Variants in ZEB1 observed in about 807,000 individuals in gnomAD.
ZEB1 encodes the protein zinc finger E-box binding homeobox 1.
A neutral mutation model predicts 84.9 loss-of-function variants in ZEB1; 21 were observed. The observed-to-expected ratio is 0.25, with a 90% CI of 0.18 to 0.36. ZEB1 has a LOEUF of 0.36. Ranked by LOEUF, ZEB1 falls within the 10% of genes least tolerant of loss-of-function variation. The probability of loss-of-function intolerance (pLI) is 1.00; values close to 1 mark genes in which losing one functional copy is unlikely to be tolerated. For synonymous variants in ZEB1, 420 were observed against 471.1 expected (o/e 0.89, Z 1.41); for missense variants, 1,104 against 1,330.2 (o/e 0.83, Z 2.65).
In ZEB1 at chr10:31,520,367, C is replaced by T. The variant is rs1565200682; in HGVS notation, c.1035C>T (p.Asn345=). The T allele has an allele frequency of 6.2e-7, 1 of 1,613,732 alleles. No homozygotes were observed. Among genetic ancestry groups the T allele is most frequent in the African/African-American group, 1.3e-5 (1 of 74,872 alleles). The part of the protein sequence containing the change: ...NKPLQEQLSV[N]QIKTEPVDYE... ...CCCTTCAAGAACAACTTTCTGTTAA[C>T]CAAATTAAAACTGAACCTGTGGATT... The change falls in exon 7 of 9, where the codon AAC becomes AAT. Residue 345 remains asparagine, a synonymous_variant. Transcript: ENST00000424869. The surrounding 1 kb of genome is among the most constrained non-coding windows in gnomAD (Gnocchi z 5.1).
chr10:31,521,733 A>G lies in ZEB1; in HGVS notation c.2401A>G (p.Ile801Val), dbSNP rs1049711305. The change falls in exon 7 of 9, where the codon ATA (isoleucine) becomes GTA (valine). Residue 801 changes from isoleucine to valine, a missense_variant. By Grantham distance (29) the Ile-to-Val change is conservative. Around this residue, in one of 7 missense-constraint regions of ZEB1, gnomAD observed 531 missense variants for 575.2 expected, o/e 0.92. Transcript: ENST00000424869. ...VNVIPPSANP[I>V]NIAIPTVTAQ... ...TGTAATCCCACCAAGTGCCAACCCC[A>G]TAAATATCGCTATACCTACAGTCAC... The G allele has an allele frequency of 1.2e-6, 2 of 1,614,168 alleles. No individual in the cohort carries two copies. Among genetic ancestry groups the G allele is most frequent in the East Asian group, 2.2e-5 (1 of 44,874 alleles).
At chr10:31,335,010 CT>C (rs1205007155) in intron 1 of ZEB1, among the ~76,000 whole-genome samples, 1 of 151,852 alleles carries the variant, frequency 6.6e-6, no homozygotes, top group African/African-American at 2.4e-5. Flanking sequence ...CTGTCCCCAA[CT>C]TTTTTTTACG....
chr10:31,495,842 C>T lies in ZEB1; in HGVS notation c.322+4C>T, dbSNP rs1313951949. 3 of 1,612,694 alleles carry T rather than the reference C, an allele frequency of 1.9e-6. No homozygotes were observed. In the Admixed American group the frequency reaches 5.0e-5, roughly 27 times the overall value. On this transcript the variant is annotated splice_donor_region_variant and intron_variant, in intron 3 of 8. Coordinates refer to ENST00000424869, the MANE Select transcript of ZEB1 (RefSeq NM_001174096.2). ...GCAGATGAAGCAGGATGTACAGGTA[C>T]TCTGCTGCGACTTTCTTTCATACCA...
At chr10:31,443,229 T>C (rs905712447) in intron 1 of ZEB1, among the ~76,000 whole-genome samples, 32 of 152,160 alleles carry the variant, frequency 2.1e-4, no homozygotes, top group African/African-American at 7.7e-4. Context: ...ATCTTATGAG[T>C]GTTTAAGAAT....
intron 1 of ZEB1, among the ~76,000 whole-genome samples, chr10:31,412,000 A>G (rs2135809218): frequency 6.6e-6 from 1 of 152,312 alleles, no homozygotes; most frequent in South Asian, 2.1e-4. Flanking sequence ...AGAATTCATT[A>G]TGTTTAAACC....
chr10:31,460,909 G>T (rs2061732514), intron 1 of ZEB1, 128 bp from the exon 2 acceptor site: 5 of 811,376 alleles, frequency 6.2e-6, no homozygotes, highest in Non-Finnish European at 1.0e-5. Context: ...TAAATTAGTT[G>T]TTAACATTAT....
intron 1 of ZEB1, among the ~76,000 whole-genome samples, chr10:31,437,471 A>G (rs2058425581): frequency 6.6e-6 from 1 of 152,210 alleles, no homozygotes; most frequent in Non-Finnish European, 1.5e-5. Context: ...TGTTTTTAAT[A>G]CTTCATCAGG....
chr10:31,449,732 A>G (rs2060309017), intron 1 of ZEB1, among the ~76,000 whole-genome samples: 1 of 152,048 alleles, frequency 6.6e-6, no homozygotes, highest in Non-Finnish European at 1.5e-5. Flanking sequence ...TATCTAGTTT[A>G]TGTTCTCCTA....
chr10:31,490,812 C>T (rs2066423375), intron 2 of ZEB1, among the ~76,000 whole-genome samples: 2 of 151,696 alleles, frequency 1.3e-5, no homozygotes, highest in African/African-American at 4.8e-5. Flanking sequence ...AAGACTAATA[C>T]TTCGTCTTAT....
intron 1 of ZEB1, among the ~76,000 whole-genome samples, chr10:31,409,721 C>T (rs925737274): frequency 1.3e-5 from 2 of 152,156 alleles, no homozygotes; most frequent in Non-Finnish European, 2.9e-5. Context: ...TGAAGAGGTC[C>T]TTCACATCCC....
chr10:31,382,461 A>T (rs1268846577), intron 1 of ZEB1, among the ~76,000 whole-genome samples: 2 of 152,176 alleles, frequency 1.3e-5, no homozygotes, highest in Non-Finnish European at 2.9e-5. Flanking sequence ...ATCTGTTATC[A>T]TATACAGTAA....
intron 1 of ZEB1, among the ~76,000 whole-genome samples, chr10:31,418,749 ATTGAGT>A (rs2055643637): frequency 6.6e-6 from 1 of 152,064 alleles, no homozygotes; most frequent in South Asian, 2.1e-4. Flanking sequence ...ACCCTTTGTG[ATTGAGT>A]AGGCTCCTAG....
At chr10:31,477,431 C>T (rs2064376645) in intron 2 of ZEB1, among the ~76,000 whole-genome samples, 1 of 151,924 alleles carries the variant, frequency 6.6e-6, no homozygotes, top group South Asian at 2.1e-4. Flanking sequence ...AAAATGACCA[C>T]AATGCCCAAA....
intron 4 of ZEB1, among the ~76,000 whole-genome samples, chr10:31,508,422 G>A (rs1173464600): frequency 6.6e-6 from 1 of 152,146 alleles, no homozygotes; most frequent in African/African-American, 2.4e-5. Flanking sequence ...GGTGTTGGCA[G>A]TGACTGCAAT....
In ZEB1 at chr10:31,375,575, A is replaced by C. The variant is rs558064552; in HGVS notation, c.58+56283A>C. ...ATTTGAATTGACTTCTTTCTAAAACAAAATTCTACCAATAGTCATCAGTTT... is the reference window on the plus strand; with the variant it reads ...ATTTGAATTGACTTCTTTCTAAAACCAAATTCTACCAATAGTCATCAGTTT... On this transcript the variant is annotated intron_variant, in intron 1 of 8. Transcript: ENST00000424869. Among the ~76,000 whole-genome samples the C allele has an allele frequency of 2.6e-5, 4 of 151,952 alleles. No homozygotes were observed. In the South Asian group the frequency reaches 8.3e-4, roughly 31 times the overall value.
chr10:31,476,209 A>T (rs2064153582), intron 2 of ZEB1, among the ~76,000 whole-genome samples: 1 of 152,012 alleles, frequency 6.6e-6, no homozygotes, highest in Non-Finnish European at 1.5e-5. Flanking sequence ...TTGGTAGACC[A>T]CTAACTAGTT....
At chr10:31,462,069 C>A (rs1028105232) in intron 2 of ZEB1, among the ~76,000 whole-genome samples, 6 of 152,006 alleles carry the variant, frequency 3.9e-5, no homozygotes, top group African/African-American at 1.5e-4. Flanking sequence ...AGAAGCTTCC[C>A]AGCAAGAATT....
chr10:31,402,754 G>T (rs181554915), intron 1 of ZEB1, among the ~76,000 whole-genome samples: 2 of 151,998 alleles, frequency 1.3e-5, no homozygotes, highest in Non-Finnish European at 2.9e-5. Context: ...TCTTGAGTCT[G>T]TTGGAGATTA....
intron 1 of ZEB1, among the ~76,000 whole-genome samples, chr10:31,336,132 C>T (rs937838775): frequency 1.3e-5 from 2 of 152,222 alleles, no homozygotes; most frequent in Admixed American, 1.3e-4. Context: ...TGCCATTTCT[C>T]CCCAATTTTA....
Sources: gnomAD v4.1 joint callset for allele counts (sites outside exome capture counted in the v4.1 genomes callset) on GRCh38, gnomAD v4.1.1 for gene constraint, gnomAD v4.1.1 regional missense constraint, Gnocchi (gnomAD v3.1) non-coding constraint, MANE v1.5 for transcripts, NCBI Gene and HGNC (gene_info 2026-07-23, HGNC 2026-07-21) for gene names.